Variants in STX2 observed in about 807,000 individuals in gnomAD.
STX2 encodes syntaxin-2.
Under a neutral mutation model 40.6 loss-of-function variants are expected in STX2, and 27 were observed. The ratio of observed to expected loss-of-function variants is 0.66; its 90% CI spans 0.49 to 0.92. The LOEUF (loss-of-function observed/expected upper bound fraction) is 0.92, where lower values mean the gene tolerates loss of function less well. Ranked by LOEUF, STX2 falls within the 40% of genes least tolerant of loss-of-function variation. STX2 has a pLI of 0.00. For synonymous variants in STX2, 123 were observed against 119.1 expected, an observed-to-expected ratio of 1.03 and a Z score of -0.22; for missense variants, 328 against 366.1, an observed-to-expected ratio of 0.90 and a Z score of 0.85.
chr12:130,830,348 G>A (rs577851267), intron 1 of STX2, among the ~76,000 whole-genome samples: 1 of 152,160 alleles, frequency 6.6e-6, no homozygotes, highest in Admixed American at 6.5e-5. Context: ...CCACAGTGGC[G>A]TGGCGTAAAC....
chr12:130,836,420 A>G (rs370267639), intron 1 of STX2, among the ~76,000 whole-genome samples: 7 of 151,862 alleles, frequency 4.6e-5, no homozygotes, highest in African/African-American at 1.2e-4. Context: ...ACAGGCATGC[A>G]CCACTACACC....
intron 8 of STX2, among the ~76,000 whole-genome samples, chr12:130,799,813 CAAA>C (rs57853266): frequency 0.013 from 1,781 of 137,068 alleles, 36 homozygotes; most frequent in African/African-American, 0.042. Flanking sequence ...GACCCTGTCT[CAAA>C]AAAAAAAAAA....
intron 9 of STX2, among the ~76,000 whole-genome samples, chr12:130,797,201 T>A (rs1951057670): frequency 6.6e-6 from 1 of 152,172 alleles, no homozygotes; most frequent in African/African-American, 2.4e-5. Context: ...ACCTTCCCCC[T>A]TTGTAAAACC....
intron 6 of STX2, among the ~76,000 whole-genome samples, chr12:130,803,690 CAA>C (rs1248119618): frequency 3.2e-4 from 3 of 9,434 alleles, no homozygotes; most frequent in South Asian, 4.5e-3. Context: ...AAAAAAAAAA[CAA>C]ACTAAAAGTT....
intron 3 of STX2, among the ~76,000 whole-genome samples, chr12:130,814,045 C>G (rs758807326): frequency 2.6e-5 from 4 of 152,206 alleles, no homozygotes; most frequent in Non-Finnish European, 5.9e-5. Flanking sequence ...CCCCGAGTAC[C>G]CACTGCACAC....
chr12:130,808,617 G>C lies in STX2; in HGVS notation c.354+14C>G, dbSNP rs771258433. The C allele has an allele frequency of 6.8e-6, 11 of 1,609,892 alleles. No homozygotes were observed. The highest frequency in any genetic ancestry group is 4.5e-5 in the South Asian group (4 of 89,846). Reference sequence around the variant, plus strand: ...TGCGACATTACTTTAATCTAAACGAGGCTGATAGCAAACCTGGGTTCTTCG... The same window carrying C: ...TGCGACATTACTTTAATCTAAACGACGCTGATAGCAAACCTGGGTTCTTCG... On this transcript the variant is annotated intron_variant, in intron 5 of 10. Coordinates refer to ENST00000392373, the MANE Select transcript of STX2 (RefSeq NM_194356.4).
intron 3 of STX2, among the ~76,000 whole-genome samples, chr12:130,818,217 T>A (rs1345005054): frequency 1.1e-4 from 13 of 122,696 alleles, no homozygotes; most frequent in South Asian, 2.5e-4. Context: ...TATATATATA[T>A]AAAATTATCT....
At chr12:130,829,013 A>G (rs1008354924) in intron 1 of STX2, among the ~76,000 whole-genome samples, 1 of 152,144 alleles carries the variant, frequency 6.6e-6, no homozygotes, top group Non-Finnish European at 1.5e-5. Flanking sequence ...GAATGGCTGA[A>G]GGATATTGAG....
Position 130,808,675 on chromosome 12 carries a change from T to C in STX2, c.310A>G (p.Ser104Gly). Residue 104 changes from serine to glycine, a missense_variant, in exon 5 of 11, where the codon AGT (serine) becomes GGT (glycine). Coordinates refer to ENST00000392373, the MANE Select transcript of STX2 (RefSeq NM_194356.4). ...AIEQSFDQDE[S>G]GNRTSVDLRI... ...AGATCCACTGAAGTCCGGTTCCCAC[T>C]CTCATCCTGATCAAAACTTTGTTCA... 6.2e-7 allele frequency: 1 copy of C among 1,613,372 alleles called. No individual in the cohort carries two copies. The highest frequency in any genetic ancestry group is 8.5e-7 in the Non-Finnish European group (1 of 1,179,830).
At chr12:130,816,466 T>G (rs1167591472) in intron 3 of STX2, among the ~76,000 whole-genome samples, 1 of 152,148 alleles carries the variant, frequency 6.6e-6, no homozygotes, top group Admixed American at 6.5e-5. Context: ...GCCTGTCTGA[T>G]CCTGCAAGCT....
At chr12:130,826,456 G>C (rs1165257592) in intron 2 of STX2, among the ~76,000 whole-genome samples, 1 of 152,162 alleles carries the variant, frequency 6.6e-6, no homozygotes, top group Non-Finnish European at 1.5e-5. Context: ...AGAAGTGGCC[G>C]CCCACCAGCA....
chr12:130,798,665 A>G (rs1201572091), intron 8 of STX2, 30 bp from the exon 9 acceptor site: 2 of 1,535,144 alleles, frequency 1.3e-6, no homozygotes, highest in Non-Finnish European at 1.8e-6. Context: ...AACTTAGAAG[A>G]CATTTTCAAA....
In STX2 at chr12:130,791,589, T is replaced by C. The variant is rs1173578038; in HGVS notation, c.*434A>G. On this transcript the variant is annotated 3_prime_UTR_variant, in exon 11 of 11. Transcript: ENST00000392373. ...CTTCCTAATTAAACTTCATGCACAT[T>C]TGTTAACACTGAAATATTTTTAATA... The C allele has an allele frequency of 4.6e-6, 1 of 218,854 alleles. No individual in the cohort carries two copies. Among genetic ancestry groups the C allele is most frequent in the Admixed American group, 5.9e-5 (1 of 17,018 alleles). The allele number at this position is 218,854 out of a possible 1,614,324, so 13.6% of individuals were successfully genotyped here.
At chr12:130,805,330 A>T (rs1368607680) in intron 6 of STX2, among the ~76,000 whole-genome samples, 1 of 152,208 alleles carries the variant, frequency 6.6e-6, no homozygotes, top group Non-Finnish European at 1.5e-5. Flanking sequence ...TTCCCAACAG[A>T]TGGAAACAAG....
In STX2 at chr12:130,808,669, TC is replaced by T; in HGVS notation, c.315del (p.Asn106ThrfsTer49). The T allele has an allele frequency of 1.9e-6, 3 of 1,613,760 alleles. No individual in the cohort carries two copies. The highest frequency in any genetic ancestry group is 2.5e-6 in the Non-Finnish European group (3 of 1,179,926). On this transcript the variant is annotated frameshift_variant, in exon 5 of 11. Transcript: ENST00000392373. LOFTEE classifies it high-confidence loss of function. ...IEQSFDQDES[G>X]NRTSVDLRIR... ...ATCCGAAGATCCACTGAAGTCCGGT[TC>T]CCACTCTCATCCTGATCAAAACTTT...
Position 130,791,891 on chromosome 12 carries a change from A to ATATGG in STX2, c.*127_*131dup. On this transcript the variant is annotated 3_prime_UTR_variant, in exon 11 of 11. Coordinates refer to ENST00000392373, the MANE Select transcript of STX2 (RefSeq NM_194356.4). ...GTCTCAAGGATAAATGGCTCTTGGG[A>ATATGG]TATGGTTGCTAGGACAATGTTGTTG... 6.2e-7 allele frequency: 1 copy of ATATGG among 1,609,994 alleles called. No homozygotes were observed. The highest frequency in any genetic ancestry group is 8.5e-7 in the Non-Finnish European group (1 of 1,177,110).
chr12:130,816,237 G>A (rs992974560), intron 3 of STX2, among the ~76,000 whole-genome samples: 18 of 152,180 alleles, frequency 1.2e-4, no homozygotes, highest in Admixed American at 5.2e-4. Context: ...TTGAGCCACC[G>A]CGCAGCCACA....
At position 130,790,147 on chromosome 12, in the gene STX2, G is replaced by A. The variant is rs547225937; in HGVS notation, c.*1876C>T. On this transcript the variant is annotated 3_prime_UTR_variant, in exon 11 of 11. Coordinates refer to ENST00000392373, the MANE Select transcript of STX2 (RefSeq NM_194356.4). ...AAATCAGTGAGCACATCCCACGACA[G>A]GGTGTTTAAAGACCAAAAGAAAAAG... 12 of 152,324 alleles carry A rather than the reference G, an allele frequency of 7.9e-5. No individual in the cohort carries two copies. The South Asian group carries it at 2.1e-3, about 26-fold the overall frequency. 9.4% of individuals were successfully genotyped at this position (152,324 alleles called of 1,614,324 possible). A position where few individuals can be genotyped will look rare whatever the true frequency, so the allele number is the denominator to read the frequency against.
At chr12:130,804,702 T>C (rs1324605148) in intron 6 of STX2, among the ~76,000 whole-genome samples, 1 of 152,030 alleles carries the variant, frequency 6.6e-6, no homozygotes, top group Non-Finnish European at 1.5e-5. Context: ...CCTTTGGGGG[T>C]GAGTTTGCAT....
Sources: allele counts gnomAD v4.1 joint callset (sites outside exome capture counted in the v4.1 genomes callset), GRCh38; gene constraint gnomAD v4.1.1; transcripts MANE v1.5; gene names NCBI Gene and HGNC (gene_info 2026-07-23, HGNC 2026-07-21).